The following PCSK9 variants were observed in gnomAD, a reference collection of about 807,000 sequenced individuals.
The protein encoded by PCSK9 is convertase subtilisin/kexin type 9 preproprotein.
A neutral mutation model predicts 62.1 loss-of-function variants in PCSK9; 57 were observed. That is an observed-to-expected ratio of 0.92 (90% CI 0.74 to 1.14). The LOEUF (loss-of-function observed/expected upper bound fraction) is 1.14, where lower values mean the gene tolerates loss of function less well. Ranked by LOEUF, PCSK9 falls within the 50% of genes most tolerant of loss-of-function variation. The pLI is 0.00. For synonymous variants in PCSK9, 387 were observed against 409.4 expected, an observed-to-expected ratio of 0.95 and a Z score of 0.66; for missense variants, 870 against 959.8, an observed-to-expected ratio of 0.91 and a Z score of 1.24.
At position 55,059,654 on chromosome 1, in the gene PCSK9, G is replaced by GTCC; in HGVS notation, c.1675_1677dup (p.Leu559dup). On this transcript the variant is annotated inframe_insertion, in exon 10 of 12. Coordinates refer to ENST00000302118, the MANE Select transcript of PCSK9 (RefSeq NM_174936.4). ...TGTCCACTGCCACCAACAGGGCCAC[G>GTCC]TCCTCACAGGTAGGAGGCTGGGCTT... 1.3e-6 allele frequency: 2 copies of GTCC among 1,550,620 alleles called. No individual in the cohort carries two copies. Among genetic ancestry groups the GTCC allele is most frequent in the Non-Finnish European group, 1.7e-6 (2 of 1,146,986 alleles).
Position 55,058,067 on chromosome 1 carries a change from G to C in PCSK9, c.1212G>C (p.Pro404=), listed in dbSNP as rs777470856. ...CAGCCATGATGCTGTCTGCCGAGCC[G>C]GAGCTCACCCTGGCCGAGTTGAGGC... ...GIAAMMLSAE[P]ELTLAELRQR... is the part of the protein sequence containing the mutation. The change falls in exon 8 of 12, where the codon CCG becomes CCC. Residue 404 remains proline (P), a synonymous_variant. Transcript: ENST00000302118. The C allele has an allele frequency of 6.2e-7, 1 of 1,613,808 alleles. No homozygotes were observed. The highest frequency in any genetic ancestry group is 8.5e-7 in the Non-Finnish European group (1 of 1,180,034).
rs775429340 is a variant in PCSK9 at position 55,046,587 on chromosome 1, C to T, written c.464C>T (p.Pro155Leu). 65 of 1,614,060 alleles carry T rather than the reference C, an allele frequency of 4.0e-5. No homozygotes were observed. The South Asian group carries it at 5.5e-4, about 14-fold the overall frequency. The change falls in exon 3 of 12, where the codon CCG becomes CTG. Residue 155 changes from proline to leucine, a missense_variant. By Grantham distance (98) the Pro-to-Leu change is moderately conservative (BLOSUM62 -3). Transcript: ENST00000302118. ...EDSSVFAQSI[P>L]WNLERITPPR... is the part of the protein sequence containing the mutation. Reference sequence around the variant, plus strand: ...TCCTCTGTCTTTGCCCAGAGCATCCCGTGGAACCTGGAGCGGATTACCCCT... The same window carrying T: ...TCCTCTGTCTTTGCCCAGAGCATCCTGTGGAACCTGGAGCGGATTACCCCT...
At chr1:55,057,009 C>T (rs1644720344) in intron 6 of PCSK9, among the ~76,000 whole-genome samples, 1 of 152,220 alleles carries the variant, frequency 6.6e-6, no homozygotes, top group Non-Finnish European at 1.5e-5. Flanking sequence ...CACATCTCTG[C>T]CTTGTCCTCT....
chr1:55,046,396 G>A (rs1418609583), intron 2 of PCSK9, 127 bp from the exon 3 acceptor site: 1 of 1,431,852 alleles, frequency 7.0e-7, no homozygotes, highest in Admixed American at 1.7e-5. Context: ...CACTAGCAGG[G>A]ACAAGGTGGG....
chr1:55,063,330 A>G (rs1372797124), intron 11 of PCSK9, 39 bp from the exon 12 acceptor site: 3 of 1,599,408 alleles, frequency 1.9e-6, no homozygotes, highest in Non-Finnish European at 2.6e-6. Flanking sequence ...GTCCCGGGCC[A>G]CGCTAGACAT....
In PCSK9 at chr1:55,063,890, A is replaced by G. The variant is rs561634446; in HGVS notation, c.*306A>G. ...GCTGCCAGCTGCTCCCAATGTGCCG[A>G]TGTCCGTGGGCAGAATGACTTTTAT... On this transcript the variant is annotated 3_prime_UTR_variant, in exon 12 of 12. Coordinates refer to ENST00000302118, the MANE Select transcript of PCSK9 (RefSeq NM_174936.4). 3.6e-5 allele frequency: 17 copies of G among 466,118 alleles called. No individual in the cohort carries two copies. The East Asian group carries it at 4.0e-4, about 11-fold the overall frequency. 28.9% of individuals were successfully genotyped at this position (466,118 alleles called of 1,614,324 possible).
intron 10 of PCSK9, 56 bp downstream of exon 10, chr1:55,059,719 C>T: frequency 2.6e-6 from 4 of 1,535,208 alleles, no homozygotes; most frequent in Non-Finnish European, 3.5e-6. Context: ...CTTATGCACC[C>T]ACTGCCCGCG....
At chr1:55,053,108 T>A (rs1274349995) in intron 5 of PCSK9, among the ~76,000 whole-genome samples, 1 of 152,170 alleles carries the variant, frequency 6.6e-6, no homozygotes, top group African/African-American at 2.4e-5. Flanking sequence ...TTTGTTATGT[T>A]ATCTTCAATG....
At position 55,052,345 on chromosome 1, in the gene PCSK9, G is replaced by A. The variant is rs1436739095; in HGVS notation, c.591G>A (p.Glu197=). 1.2e-6 allele frequency: 2 copies of A among 1,614,046 alleles called. No individual in the cohort carries two copies. Among genetic ancestry groups the A allele is most frequent in the Admixed American group, 3.3e-5 (2 of 60,018 alleles). Residue 197 remains glutamate, a synonymous_variant, in exon 4 of 12, where the codon GAG becomes GAA. Coordinates refer to ENST00000302118, the MANE Select transcript of PCSK9 (RefSeq NM_174936.4). ...TSIQSDHREI[E]GRVMVTDFEN... ...TACAGAGTGACCACCGGGAAATCGA[G>A]GGCAGGGTCATGGTCACCGACTTCG...
chr1:55,049,575 G>T (rs534734616), intron 3 of PCSK9, among the ~76,000 whole-genome samples: 1 of 152,216 alleles, frequency 6.6e-6, no homozygotes, highest in Non-Finnish European at 1.5e-5. Context: ...TGCCTCACCC[G>T]GGGGTTTGGA....
rs1201168226 is a variant in PCSK9 at position 55,053,970 on chromosome 1, CGGGGCA to C, written c.799+1185_799+1190del. Among the ~76,000 whole-genome samples, 6 of 152,182 alleles carry C rather than the reference CGGGGCA, an allele frequency of 3.9e-5. No individual in the cohort carries two copies. The East Asian group carries it at 1.2e-3, about 29-fold the overall frequency. On this transcript the variant is annotated intron_variant, in intron 5 of 11. Coordinates refer to ENST00000302118, the MANE Select transcript of PCSK9 (RefSeq NM_174936.4). ...GAAGCCCTTATTGCATGACCTGGCACGGGGCAGGGGCTCAACAGTCACTATTGCCTT... is the reference window on the plus strand; with the variant it reads ...GAAGCCCTTATTGCATGACCTGGCACGGGGCTCAACAGTCACTATTGCCTT...
chr1:55,056,512 GC>G (rs972635895), intron 6 of PCSK9, among the ~76,000 whole-genome samples: 2 of 151,550 alleles, frequency 1.3e-5, no homozygotes, highest in African/African-American at 4.9e-5. Context: ...TCTGGTACCC[GC>G]CCCCTCCCCA....
chr1:55,063,298 G>C, intron 11 of PCSK9, 71 bp from the exon 12 acceptor site: 1 of 1,509,094 alleles, frequency 6.6e-7, no homozygotes, highest in Non-Finnish European at 9.0e-7. Context: ...ATGTCGGAGG[G>C]AGAAATGAAG....
chr1:55,059,810 C>T (rs1644746035), intron 10 of PCSK9, 147 bp downstream of exon 10: 1 of 1,063,982 alleles, frequency 9.4e-7, no homozygotes. Flanking sequence ...ACTTCCATGC[C>T]CTTTGAGCCT....
At chr1:55,058,975 G>A (rs898128778) in intron 9 of PCSK9, among the ~76,000 whole-genome samples, 2 of 152,248 alleles carry the variant, frequency 1.3e-5, no homozygotes, top group Non-Finnish European at 2.9e-5. Flanking sequence ...TCTGGACTCA[G>A]CCATCTCTAG....
intron 4 of PCSK9, 21 bp from the exon 5 acceptor site, chr1:55,052,629 G>T: frequency 6.2e-7 from 1 of 1,612,488 alleles, no homozygotes; most frequent in Non-Finnish European, 8.5e-7. Context: ...TTCTCATGTG[G>T]TCCTTGTGTT....
In PCSK9 at chr1:55,052,524, C is replaced by A. The variant is rs536037529; in HGVS notation, c.657+113C>A. On this transcript the variant is annotated intron_variant, in intron 4 of 11. Transcript: ENST00000302118. ...GCTGTACTCCTGGGTTGCACCCCCC[C>A]CAGCTGTCACTGTCCCCTCCCTGCC... 1.9e-4 allele frequency: 311 copies of A among 1,603,578 alleles called. 2 individuals carry two copies. The South Asian group carries it at 3.3e-3, about 17-fold the overall frequency.
chr1:55,050,360 C>T (rs1272212337), intron 3 of PCSK9, among the ~76,000 whole-genome samples: 6 of 152,200 alleles, frequency 3.9e-5, no homozygotes, highest in Admixed American at 1.3e-4. Context: ...TCTAGGGTGG[C>T]GAGCACTGTT....
intron 3 of PCSK9, among the ~76,000 whole-genome samples, chr1:55,048,536 G>A (rs1644651433): frequency 6.6e-6 from 1 of 152,206 alleles, no homozygotes. Context: ...AGGAATGGCA[G>A]GCAGGGGTGT....
Sources: allele counts gnomAD v4.1 joint callset (sites outside exome capture counted in the v4.1 genomes callset), GRCh38; gene constraint gnomAD v4.1.1; transcripts MANE v1.5; gene names NCBI Gene and HGNC (gene_info 2026-07-23, HGNC 2026-07-21).